The following ECSIT variants were observed in gnomAD, a reference collection of about 807,000 sequenced individuals.
ECSIT encodes ECSIT signaling integrator, also known as evolutionarily conserved signaling intermediate in Toll pathway, mitochondrial.
A neutral mutation model predicts 36.8 loss-of-function variants in ECSIT; 29 were observed. That is an observed-to-expected ratio of 0.79 (90% CI 0.59 to 1.08). The LOEUF is 1.08. ECSIT is among the 50% of genes least tolerant of loss of function. The pLI is 0.00. For missense variants in ECSIT, 542 were observed against 581.0 expected, an observed-to-expected ratio of 0.93 and a Z score of 0.69; for synonymous variants, 231 against 234.8, an observed-to-expected ratio of 0.98 and a Z score of 0.15.
At chr19:11,523,333 C>A in intron 1 of ECSIT, 1 of 301,780 alleles carries the variant, frequency 3.3e-6, no homozygotes. Flanking sequence ...ATATATATAA[C>A]ATTAAAAAAT....
intron 2 of ECSIT, among the ~76,000 whole-genome samples, chr19:11,518,728 C>A (rs980096508): frequency 6.6e-6 from 1 of 152,026 alleles, no homozygotes; most frequent in Admixed American, 6.6e-5. Flanking sequence ...GAAACCCCGT[C>A]TCTACAAAAA....
intron 1 of ECSIT, chr19:11,523,686 A>T: frequency 1.4e-6 from 1 of 723,548 alleles, no homozygotes; most frequent in Non-Finnish European, 2.5e-6. Flanking sequence ...ACAACAAGAA[A>T]CTAGGGGAAT....
rs1340250277 is a variant in ECSIT at position 11,505,963 on chromosome 19, T to C, written c.*221A>G. 2 of 943,582 alleles carry C rather than the reference T, an allele frequency of 2.1e-6. No individual in the cohort carries two copies. The highest frequency in any genetic ancestry group is 1.5e-6 in the Non-Finnish European group (1 of 654,100). 58.5% of individuals were successfully genotyped at this position (943,582 alleles called of 1,614,324 possible). A position where few individuals can be genotyped will look rare whatever the true frequency, so the allele number is the denominator to read the frequency against. ...CCAACAGCGCTCCCGCCCCTTTTTATTTGAATTCGGAGAACCAGAGGCGCC... is the reference window on the plus strand; with the variant it reads ...CCAACAGCGCTCCCGCCCCTTTTTACTTGAATTCGGAGAACCAGAGGCGCC... On this transcript the variant is annotated 3_prime_UTR_variant, in exon 8 of 8. Coordinates refer to ENST00000270517, the MANE Select transcript of ECSIT (RefSeq NM_016581.5).
In ECSIT at chr19:11,514,162, C is replaced by G. The variant is rs1242113111; in HGVS notation, c.156G>C (p.Gln52His). 1 of 1,612,030 alleles carries G rather than the reference C, an allele frequency of 6.2e-7. No homozygotes were observed. Among genetic ancestry groups the G allele is most frequent in the African/African-American group, 1.3e-5 (1 of 74,950 alleles). Residue 52 changes from glutamine (Q) to histidine (H), a missense_variant, in exon 3 of 8, where the codon CAG becomes CAC. By Grantham distance (24) the Gln-to-His change is conservative. Coordinates refer to ENST00000270517, the MANE Select transcript of ECSIT (RefSeq NM_016581.5). ...HCSAAAHSSE[Q>H]SLVPSPPEPR... ...GTTCCGGTGGGCTGGGAACCAGGGA[C>G]TGTTCAGAGCTATGGGCAGCTGCGC...
At chr19:11,509,977 C>T (rs1475280949) in intron 4 of ECSIT, among the ~76,000 whole-genome samples, 1 of 151,442 alleles carries the variant, frequency 6.6e-6, no homozygotes, top group Non-Finnish European at 1.5e-5. Context: ...TCAAGTGATT[C>T]TCCTGCCTCA....
intron 2 of ECSIT, 150 bp downstream of exon 2, chr19:11,518,925 C>T: frequency 1.4e-6 from 1 of 704,260 alleles, no homozygotes; most frequent in Non-Finnish European, 2.6e-6. Context: ...TACATACATA[C>T]ATAAACTAAG....
intron 4 of ECSIT, among the ~76,000 whole-genome samples, chr19:11,509,555 GCCA>G (rs1971828116): frequency 6.6e-6 from 1 of 151,134 alleles, no homozygotes; most frequent in African/African-American, 2.4e-5. Flanking sequence ...ATCACTTGAG[GCCA>G]GGAGTTCAAG....
chr19:11,512,030 C>CAA (rs367895124), intron 4 of ECSIT, among the ~76,000 whole-genome samples: 4 of 139,992 alleles, frequency 2.9e-5, no homozygotes, highest in African/African-American at 1.1e-4. Flanking sequence ...GACTCCATCT[C>CAA]AAAAAAAAAA....
chr19:11,522,432 C>T, intron 1 of ECSIT: 3 of 1,451,546 alleles, frequency 2.1e-6, no homozygotes, highest in Admixed American at 1.7e-5. Flanking sequence ...TCCCGCTGCC[C>T]CACCAGGTCC....
chr19:11,528,030 A>G (rs1416356204), intron 1 of ECSIT, among the ~76,000 whole-genome samples: 2 of 152,144 alleles, frequency 1.3e-5, no homozygotes, highest in Non-Finnish European at 2.9e-5. Flanking sequence ...ATAAAATCAG[A>G]TAGGGTCTAC....
intron 2 of ECSIT, among the ~76,000 whole-genome samples, 159 bp from the exon 3 acceptor site, chr19:11,514,380 G>A (rs1178251011): frequency 1.3e-5 from 2 of 152,176 alleles, no homozygotes; most frequent in Non-Finnish European, 2.9e-5. Flanking sequence ...ATTACAAAGT[G>A]CGATAAAACA....
chr19:11,508,382 G>GTTTTTTTTTTTTTTTTTTTTTT (rs1418652426), intron 4 of ECSIT, among the ~76,000 whole-genome samples: 2 of 115,814 alleles, frequency 1.7e-5, no homozygotes, highest in African/African-American at 1.2e-4. Flanking sequence ...ACTTAATTCC[G>GTTTTTTTTTTTTTTTTTTTTTT]ATTTTTTTTT....
At chr19:11,508,383 A>ATTTTTTTCTTTTTTTTTTT (rs1971801807) in intron 4 of ECSIT, among the ~76,000 whole-genome samples, 1 of 124,052 alleles carries the variant, frequency 8.1e-6, no homozygotes, top group African/African-American at 3.6e-5. Flanking sequence ...CTTAATTCCG[A>ATTTTTTTCTTTTTTTTTTT]TTTTTTTTTT....
chr19:11,509,011 A>G (rs1156776707), intron 4 of ECSIT, among the ~76,000 whole-genome samples: 4 of 152,182 alleles, frequency 2.6e-5, no homozygotes, highest in African/African-American at 4.8e-5. Context: ...GTGGGAAGGA[A>G]TACCTTTTTT....
chr19:11,507,927 G>A, intron 5 of ECSIT, 64 bp downstream of exon 5: 1 of 1,614,040 alleles, frequency 6.2e-7, no homozygotes, highest in Non-Finnish European at 8.5e-7. Flanking sequence ...CCTAGGCCCA[G>A]CGAGAACCTG....
In ECSIT at chr19:11,519,032, G is replaced by C; in HGVS notation, c.96+43C>G. 1 of 1,509,390 alleles carries C rather than the reference G, an allele frequency of 6.6e-7. No homozygotes were observed. Among genetic ancestry groups the C allele is most frequent in the Non-Finnish European group, 9.0e-7 (1 of 1,108,576 alleles). The allele number at this position is 1,509,390 out of a possible 1,614,324, so 93.5% of individuals were successfully genotyped here. A position where few individuals can be genotyped will look rare whatever the true frequency, so the allele number is the denominator to read the frequency against. ...TGAAGGAGTTGGGAGCAAATCCCAA[G>C]CTTACCTCCCTCTACCCAAAAGACT... On this transcript the variant is annotated intron_variant, in intron 2 of 7. Coordinates refer to ENST00000270517, the MANE Select transcript of ECSIT (RefSeq NM_016581.5). This position sits in a 1 kb window ranked among gnomAD's most constrained non-coding sequence, Gnocchi z 4.4.
chr19:11,520,502 AT>A (rs537659079), intron 1 of ECSIT, among the ~76,000 whole-genome samples: 1 of 148,126 alleles, frequency 6.8e-6, no homozygotes, highest in Non-Finnish European at 1.5e-5. Context: ...TCATGCATAG[AT>A]TTTTTTTTAA....
In ECSIT at chr19:11,507,493, T is replaced by G. The variant is rs1288097221; in HGVS notation, c.1015A>C (p.Ser339Arg). ...PMQLDLEYVRSGWDNYEFDIN... is the reference protein window; with the variant it reads ...PMQLDLEYVRRGWDNYEFDIN... ...TCAAACTCGTAGTTGTCCCAGCCAC[T>G]CCTCACATACTCCAGGTCCAGCTGC... The change falls in exon 7 of 8, where the codon AGT becomes CGT. Residue 339 changes from serine (S) to arginine (R), a missense_variant. Transcript: ENST00000270517. 3.1e-6 allele frequency: 5 copies of G among 1,614,008 alleles called. No individual in the cohort carries two copies. The highest frequency in any genetic ancestry group is 2.2e-5 in the South Asian group (2 of 91,078).
At chr19:11,525,199 G>A (rs1972189639) in intron 1 of ECSIT, among the ~76,000 whole-genome samples, 2 of 151,310 alleles carry the variant, frequency 1.3e-5, no homozygotes. Context: ...TATGCACCTA[G>A]GATTAAGACC....
Sources: gnomAD v4.1 joint callset for allele counts (sites outside exome capture counted in the v4.1 genomes callset) on GRCh38, gnomAD v4.1.1 for gene constraint, Gnocchi (gnomAD v3.1) non-coding constraint, MANE v1.5 for transcripts, NCBI Gene and HGNC (gene_info 2026-07-23, HGNC 2026-07-21) for gene names.